Variants in KATNAL1 observed in about 807,000 individuals in gnomAD.
The protein encoded by KATNAL1 is katanin p60 ATPase-containing subunit A-like 1.
KATNAL1 carries 32 observed loss-of-function variants against 55.2 expected under a neutral mutation model. The ratio of observed to expected loss-of-function variants is 0.58; its 90% confidence interval spans 0.44 to 0.78. The LOEUF (loss-of-function observed/expected upper bound fraction) is 0.78. KATNAL1 is among the 30% of genes least tolerant of loss of function. The pLI is 0.00. For missense variants in KATNAL1, 466 were observed against 600.9 expected, an observed-to-expected ratio of 0.78 and a Z score of 2.35; for synonymous variants, 193 against 193.6, an observed-to-expected ratio of 1.00 and a Z score of 0.02.
intron 9 of KATNAL1, among the ~76,000 whole-genome samples, chr13:30,223,257 G>A (rs559091128): frequency 6.6e-6 from 1 of 151,348 alleles, no homozygotes; most frequent in African/African-American, 2.4e-5. Flanking sequence ...GGCTAACACG[G>A]TGAAACTCCG....
chr13:30,298,805 G>C (rs1419117434), intron 1 of KATNAL1, among the ~76,000 whole-genome samples: 1 of 152,096 alleles, frequency 6.6e-6, no homozygotes, highest in Non-Finnish European at 1.5e-5. Context: ...GCAGCATATA[G>C]AGAATAAGTA....
intron 8 of KATNAL1, among the ~76,000 whole-genome samples, chr13:30,227,815 T>C (rs1365796672): frequency 6.6e-6 from 1 of 151,920 alleles, no homozygotes; most frequent in Non-Finnish European, 1.5e-5. Context: ...AATAAAAACA[T>C]CCATTTTTCT....
rs1312399084 is a variant in KATNAL1, at chr13:30,207,201, T to C, written c.*1339A>G. 6.6e-6 allele frequency: 1 copy of C among 152,250 alleles called. No homozygotes were observed. Among genetic ancestry groups the C allele is most frequent in the Non-Finnish European group, 1.5e-5 (1 of 68,046 alleles). The allele number at this position is 152,250 out of a possible 1,614,324, so 9.4% of individuals were successfully genotyped here. ...GACCATTAAAGCATAAATTGCCTAATGAGACACATGTAATCATAAAAACTA... is the reference window on the plus strand; with the variant it reads ...GACCATTAAAGCATAAATTGCCTAACGAGACACATGTAATCATAAAAACTA... On this transcript the variant is annotated 3_prime_UTR_variant, in exon 11 of 11. Coordinates refer to ENST00000380615, the MANE Select transcript of KATNAL1 (RefSeq NM_032116.5).
At chr13:30,221,753 G>C (rs1027927260) in intron 9 of KATNAL1, among the ~76,000 whole-genome samples, 1 of 152,154 alleles carries the variant, frequency 6.6e-6, no homozygotes, top group Non-Finnish European at 1.5e-5. Flanking sequence ...CCAAACAGTG[G>C]ATAAAAAATT....
intron 1 of KATNAL1, among the ~76,000 whole-genome samples, chr13:30,306,450 G>C (rs1223489317): frequency 1.3e-5 from 1 of 78,288 alleles, no homozygotes; most frequent in Non-Finnish European, 2.4e-5. Context: ...GTTCAGGCTG[G>C]CAAGGGGGGG....
intron 3 of KATNAL1, among the ~76,000 whole-genome samples, chr13:30,274,897 G>GCA (rs1481167727): frequency 3.8e-5 from 4 of 103,968 alleles, no homozygotes; most frequent in East Asian, 2.6e-4. Context: ...ACATACGCGC[G>GCA]CGCGCGCGCG....
At chr13:30,214,348 C>T (rs1173307658) in intron 9 of KATNAL1, among the ~76,000 whole-genome samples, 1 of 151,962 alleles carries the variant, frequency 6.6e-6, no homozygotes, top group Non-Finnish European at 1.5e-5. Context: ...CCATACTGCC[C>T]AAGGTAATTT....
chr13:30,290,458 C>A (rs1053684054), intron 1 of KATNAL1, among the ~76,000 whole-genome samples: 4 of 152,120 alleles, frequency 2.6e-5, no homozygotes. Context: ...CCAAAGCTTG[C>A]CCAAGAAGAG....
intron 3 of KATNAL1, among the ~76,000 whole-genome samples, chr13:30,261,342 T>C (rs1230721368): frequency 6.6e-6 from 1 of 151,558 alleles, no homozygotes; most frequent in East Asian, 1.9e-4. Context: ...AACATCATAA[T>C]GACAGGATCA....
intron 7 of KATNAL1, 72 bp from the exon 8 acceptor site, chr13:30,230,666 T>C (rs1357097356): frequency 1.7e-6 from 2 of 1,171,826 alleles, no homozygotes; most frequent in Non-Finnish European, 2.3e-6. Flanking sequence ...AAAAATCTTT[T>C]AAAACAATGG....
chr13:30,301,520 C>T (rs1882854314), intron 1 of KATNAL1, among the ~76,000 whole-genome samples: 2 of 152,254 alleles, frequency 1.3e-5, no homozygotes, highest in Admixed American at 1.3e-4. Flanking sequence ...CTCATCTAAT[C>T]CTTATAACAC....
intron 9 of KATNAL1, among the ~76,000 whole-genome samples, chr13:30,217,836 T>C (rs1172918750): frequency 1.3e-5 from 2 of 152,196 alleles, no homozygotes; most frequent in East Asian, 3.9e-4. Flanking sequence ...ACTCAATAAA[T>C]GTTCACAGCC....
intron 3 of KATNAL1, among the ~76,000 whole-genome samples, chr13:30,257,172 T>C (rs528411321): frequency 2.0e-5 from 3 of 151,806 alleles, no homozygotes; most frequent in Non-Finnish European, 4.4e-5. Context: ...CCACTGTTTT[T>C]TGACCTAATT....
intron 3 of KATNAL1, among the ~76,000 whole-genome samples, chr13:30,256,731 T>C (rs1878827732): frequency 6.6e-6 from 1 of 152,236 alleles, no homozygotes; most frequent in Non-Finnish European, 1.5e-5. Flanking sequence ...TGTTAACATG[T>C]TGTGAGTCTG....
At chr13:30,254,160 C>T (rs115432101) in intron 4 of KATNAL1, among the ~76,000 whole-genome samples, 1,540 of 151,948 alleles carry the variant, frequency 0.01, 24 homozygotes, top group African/African-American at 0.034. Flanking sequence ...GGATTTCAGC[C>T]GGTACTGTAT....
chr13:30,248,915 C>T (rs151254710), intron 4 of KATNAL1, among the ~76,000 whole-genome samples: 1,871 of 152,246 alleles, frequency 0.012, 44 homozygotes, highest in African/African-American at 0.042. Context: ...AAAAATTAGC[C>T]GGGCGTGGTG....
intron 4 of KATNAL1, among the ~76,000 whole-genome samples, chr13:30,248,716 G>A (rs911881471): frequency 6.6e-6 from 1 of 152,170 alleles, no homozygotes; most frequent in African/African-American, 2.4e-5. Context: ...CCTGAGGTCA[G>A]GAGTTCGAGA....
intron 1 of KATNAL1, among the ~76,000 whole-genome samples, chr13:30,297,633 G>A (rs949396356): frequency 1.3e-5 from 2 of 152,020 alleles, no homozygotes; most frequent in African/African-American, 4.8e-5. Flanking sequence ...CATCAACAGT[G>A]GATTGGATAA....
intron 4 of KATNAL1, among the ~76,000 whole-genome samples, chr13:30,251,115 G>A (rs1878255134): frequency 6.7e-6 from 1 of 148,590 alleles, no homozygotes; most frequent in South Asian, 2.2e-4. Flanking sequence ...TCCAGTCTCT[G>A]GGCGACAGAG....
Sources: gnomAD v4.1 joint callset for allele counts (sites outside exome capture counted in the v4.1 genomes callset) on GRCh38, gnomAD v4.1.1 for gene constraint, MANE v1.5 for transcripts, NCBI Gene and HGNC (gene_info 2026-07-23, HGNC 2026-07-21) for gene names.